The following CLIP1 variants were observed in gnomAD, a reference collection of about 807,000 sequenced individuals.
CLIP1 encodes the protein CAP-Gly domain containing linker protein 1, also known as CAP-Gly domain-containing linker protein 1.
CLIP1 carries 66 observed loss-of-function variants against 161.6 expected under a neutral mutation model. The ratio of observed to expected loss-of-function variants is 0.41; its 90% CI spans 0.33 to 0.50. CLIP1 has a LOEUF of 0.50. CLIP1 is among the 20% of genes least tolerant of loss of function. CLIP1 has a pLI of 0.27. For missense variants in CLIP1, 1,376 were observed against 1,702.0 expected (o/e 0.81, Z 3.37); for synonymous variants, 598 against 626.2 (o/e 0.96, Z 0.67).
chr12:122,415,481 C>CA (rs546640412), intron 1 of CLIP1, among the ~76,000 whole-genome samples: 1,283 of 78,512 alleles, frequency 0.016, 23 homozygotes, highest in African/African-American at 0.041. Context: ...GACTCCATCT[C>CA]AAAAAAAAAA....
intron 15 of CLIP1, among the ~76,000 whole-genome samples, chr12:122,332,738 C>T (rs1952035964): frequency 6.6e-6 from 1 of 152,152 alleles, no homozygotes; most frequent in South Asian, 2.1e-4. Flanking sequence ...CTTTTCTTTA[C>T]AAGTCACCAA....
chr12:122,337,455 A>G (rs1345336089), intron 11 of CLIP1, among the ~76,000 whole-genome samples: 1 of 59,734 alleles, frequency 1.7e-5, no homozygotes, highest in East Asian at 6.6e-4. Flanking sequence ...CAAAAAAAAA[A>G]AAAAAAGAAA....
chr12:122,418,547 G>A (rs1318212117), intron 1 of CLIP1, among the ~76,000 whole-genome samples: 1 of 152,092 alleles, frequency 6.6e-6, no homozygotes, highest in Non-Finnish European at 1.5e-5. Flanking sequence ...GAGCCTAGGA[G>A]TTCAAGACCA....
chr12:122,277,989 A>G lies in CLIP1; in HGVS notation c.3966+165T>C, dbSNP rs1045580734. 3 of 679,310 alleles carry G rather than the reference A, an allele frequency of 4.4e-6. No homozygotes were observed. In the African/African-American group the frequency reaches 5.4e-5, roughly 12 times the overall value. The allele number at this position is 679,310 out of a possible 1,614,324, so 42.1% of individuals were successfully genotyped here. On this transcript the variant is annotated intron_variant, in intron 24 of 25. Coordinates refer to ENST00000620786, the MANE Select transcript of CLIP1 (RefSeq NM_001247997.2). ...GAGAAGGTTTGGAGGAAGACATTTA[A>G]TGTATATATTTTTAATTCTGTTTAA... is the stretch of plus-strand genomic sequence containing the variant.
intron 10 of CLIP1, among the ~76,000 whole-genome samples, chr12:122,344,450 A>AC (rs397738763): frequency 3.3e-5 from 5 of 150,220 alleles, no homozygotes; most frequent in Non-Finnish European, 7.4e-5. Flanking sequence ...AGAAAAAAAA[A>AC]CACAAAACAC....
chr12:122,272,840 G>T lies in CLIP1; in HGVS notation c.*35C>A. The T allele has an allele frequency of 6.3e-7, 1 of 1,580,886 alleles. No homozygotes were observed. The highest frequency in any genetic ancestry group is 8.7e-7 in the Non-Finnish European group (1 of 1,149,696). ...TGTTACGTTGTGTCAATGCGAGTGC[G>T]TCTGAGCAAGCCCAGTTCTCCACTG... On this transcript the variant is annotated 3_prime_UTR_variant, in exon 26 of 26. Coordinates refer to ENST00000620786, the MANE Select transcript of CLIP1 (RefSeq NM_001247997.2).
At position 122,407,398 on chromosome 12, in the gene CLIP1, T is replaced by C. The variant is rs551000808; in HGVS notation, c.-107+15123A>G. ...TATATACAGCAGTGAGATCAAAGAG[T>C]CAATCTCAAGGCAAGTTAAAACTGA... On this transcript the variant is annotated intron_variant, in intron 1 of 25. Coordinates refer to ENST00000620786, the MANE Select transcript of CLIP1 (RefSeq NM_001247997.2). Among the ~76,000 whole-genome samples, 5 of 151,448 alleles carry C rather than the reference T, an allele frequency of 3.3e-5. No individual in the cohort carries two copies. In the South Asian group the frequency reaches 1.0e-3, roughly 32 times the overall value.
rs1363321070 is a variant in CLIP1 at position 122,377,917 on chromosome 12, T to C, written c.129A>G (p.Ser43=). ...VEKTISSEKA[S]STPSSETQEE... ...CCTGAGTCTCAGATGATGGAGTGCT[T>C]GATGCTTTTTCACTGGATATGGTTT... The change falls in exon 3 of 26, where the codon TCA becomes TCG. Residue 43 remains serine, a synonymous_variant. Coordinates refer to ENST00000620786, the MANE Select transcript of CLIP1 (RefSeq NM_001247997.2). 1 of 1,613,350 alleles carries C rather than the reference T, an allele frequency of 6.2e-7. No homozygotes were observed. The highest frequency in any genetic ancestry group is 8.5e-7 in the Non-Finnish European group (1 of 1,179,832).
chr12:122,349,129 G>A (rs1435252046), intron 9 of CLIP1, among the ~76,000 whole-genome samples: 2 of 152,136 alleles, frequency 1.3e-5, no homozygotes, highest in Admixed American at 1.3e-4. Flanking sequence ...CAATTTCCCT[G>A]CTTTTATAAG....
In CLIP1 at chr12:122,279,389, T is replaced by C. The variant is rs1955556771; in HGVS notation, c.3648-244A>G. ...AGAGTCTGCATGTGATTGTATCCAT[T>C]TGAACTTAAAGAAACAAGTTAATAA... On this transcript the variant is annotated intron_variant, in intron 21 of 25. Coordinates refer to ENST00000620786, the MANE Select transcript of CLIP1 (RefSeq NM_001247997.2). The surrounding 1 kb of genome is among the most constrained non-coding windows in gnomAD (Gnocchi z 4.5). 7.9e-6 allele frequency: 2 copies of C among 254,570 alleles called. No homozygotes were observed. The highest frequency in any genetic ancestry group is 2.2e-5 in the African/African-American group (1 of 44,880). The allele number at this position is 254,570 out of a possible 1,614,324, so 15.8% of individuals were successfully genotyped here. A position where few individuals can be genotyped will look rare whatever the true frequency, so the allele number is the denominator to read the frequency against.
rs188697494 is a variant in CLIP1 at position 122,272,269 on chromosome 12, T to C, written c.*606A>G. The C allele has an allele frequency of 6.5e-6, 1 of 153,264 alleles. No homozygotes were observed. The highest frequency in any genetic ancestry group is 1.9e-4 in the East Asian group (1 of 5,192). The allele number at this position is 153,264 out of a possible 1,614,324, so 9.5% of individuals were successfully genotyped here. On this transcript the variant is annotated 3_prime_UTR_variant, in exon 26 of 26. Coordinates refer to ENST00000620786, the MANE Select transcript of CLIP1 (RefSeq NM_001247997.2). Reference sequence around the variant, plus strand: ...GATTATAAAATGTCCCCACAGCAGTTTGGGGGCTTGCCCCTCCCTTTACCT... The same window carrying C: ...GATTATAAAATGTCCCCACAGCAGTCTGGGGGCTTGCCCCTCCCTTTACCT...
chr12:122,370,065 G>C (rs1266827517), intron 3 of CLIP1, among the ~76,000 whole-genome samples: 1 of 151,838 alleles, frequency 6.6e-6, no homozygotes, highest in African/African-American at 2.4e-5. Context: ...CAGGAGGCTG[G>C]GGCGCGACAA....
chr12:122,341,217 T>C lies in CLIP1; in HGVS notation c.1987A>G (p.Ile663Val). The change falls in exon 11 of 26, where the codon ATA becomes GTA. Residue 663 changes from isoleucine (I) to valine (V), a missense_variant. By Grantham distance (29) the Ile-to-Val change is conservative. Transcript: ENST00000620786. Reference protein sequence around the residue: ...TAEFAELKTQIEKMRLDYQHE... With the variant: ...TAEFAELKTQVEKMRLDYQHE... ...TGGTAATCTAGTCTCATTTTCTCTA[T>C]TTGTGTTTTTAGTTCAGCAAATTCT... 6.2e-7 allele frequency: 1 copy of C among 1,614,164 alleles called. No homozygotes were observed. Among genetic ancestry groups the C allele is most frequent in the South Asian group, 1.1e-5 (1 of 91,082 alleles).
chr12:122,307,152 G>T (rs1194174360), intron 20 of CLIP1, among the ~76,000 whole-genome samples: 1 of 151,764 alleles, frequency 6.6e-6, no homozygotes, highest in Non-Finnish European at 1.5e-5. Flanking sequence ...GGGATTACAG[G>T]CGCCCGCCAC....
chr12:122,350,151 C>T (rs1001522246), intron 9 of CLIP1, among the ~76,000 whole-genome samples: 9 of 152,060 alleles, frequency 5.9e-5, no homozygotes, highest in African/African-American at 1.9e-4. Context: ...GTGTTCTGCC[C>T]GCCTCAACCT....
chr12:122,282,029 C>T (rs1052400265), intron 21 of CLIP1, among the ~76,000 whole-genome samples: 1 of 152,126 alleles, frequency 6.6e-6, no homozygotes, highest in African/African-American at 2.4e-5. Context: ...ACAAACTCTG[C>T]TCATCATCAC....
intron 20 of CLIP1, among the ~76,000 whole-genome samples, chr12:122,304,672 T>G (rs991027147): frequency 6.6e-6 from 1 of 152,228 alleles, no homozygotes; most frequent in Non-Finnish European, 1.5e-5. Flanking sequence ...TGGGTGCCAA[T>G]TTAAAAGTTT....
intron 17 of CLIP1, among the ~76,000 whole-genome samples, chr12:122,320,013 G>A (rs1004226834): frequency 1.6e-4 from 25 of 152,086 alleles, no homozygotes; most frequent in African/African-American, 4.6e-4. Context: ...AGTGGCTCAC[G>A]CCTGTAATCC....
At chr12:122,410,929 C>T (rs1191934727) in intron 1 of CLIP1, among the ~76,000 whole-genome samples, 2 of 152,140 alleles carry the variant, frequency 1.3e-5, no homozygotes, top group Non-Finnish European at 2.9e-5. Context: ...ACTAGGATGA[C>T]TATAATCAAA....
Sources: allele counts gnomAD v4.1 joint callset (sites outside exome capture counted in the v4.1 genomes callset), GRCh38; gene constraint gnomAD v4.1.1; non-coding constraint Gnocchi (gnomAD v3.1); transcripts MANE v1.5; gene names NCBI Gene and HGNC (gene_info 2026-07-23, HGNC 2026-07-21).